Variants in CDH23 observed in about 807,000 individuals in gnomAD.
The protein encoded by CDH23 is cadherin related 23.
CDH23 carries 189 observed loss-of-function variants against 317.1 expected under a neutral mutation model. That is an observed-to-expected ratio of 0.60 (90% CI 0.53 to 0.67). CDH23 has a LOEUF of 0.67. Ranked by LOEUF, CDH23 falls within the 30% of genes least tolerant of loss-of-function variation. The pLI, the probability that CDH23 is intolerant of heterozygous loss-of-function variation, is 0.00. For missense variants in CDH23, 4,401 were observed against 4,592.4 expected, an observed-to-expected ratio of 0.96 and a Z score of 1.20; for synonymous variants, 1,839 against 1,876.8, an observed-to-expected ratio of 0.98 and a Z score of 0.52.
chr10:71,434,167 G>A (rs1849518683), intron 1 of CDH23, among the ~76,000 whole-genome samples: 1 of 152,158 alleles, frequency 6.6e-6, no homozygotes, highest in South Asian at 2.1e-4. Context: ...ATTCCTCCCA[G>A]ATATCCACAT....
Position 71,510,163 on chromosome 10 carries a change from G to T in CDH23, c.227G>T (p.Arg76Leu), listed in dbSNP as rs373802615. The T allele has an allele frequency of 6.2e-7, 1 of 1,613,958 alleles. No homozygotes were observed. Among genetic ancestry groups the T allele is most frequent in the Non-Finnish European group, 8.5e-7 (1 of 1,179,886 alleles). Residue 76 changes from arginine (R) to leucine (L), a missense_variant, in exon 4 of 70, where the codon CGC becomes CTC. Arg to Leu is a moderately radical substitution (Grantham distance 102, BLOSUM62 -2). Coordinates refer to ENST00000224721, the MANE Select transcript of CDH23 (RefSeq NM_022124.6). The part of the protein sequence containing the change: ...VFGVSGEEAS[R>L]FFAVEPDTGV... ...GGCGTGTCTGGGGAGGAGGCCTCTC[G>T]CTTCTTTGCAGTGGAGCCTGACACT...
Position 71,578,424 on chromosome 10 carries a change from C to T in CDH23, c.832+432C>T, listed in dbSNP as rs982360194. Among the ~76,000 whole-genome samples the T allele has an allele frequency of 3.3e-5, 5 of 152,286 alleles. No individual in the cohort carries two copies. In the East Asian group the frequency reaches 9.6e-4, roughly 29 times the overall value. ...CATCATTTTAGAACAAACGGAGCTG[C>T]AACTACAGCTGATTTCATGTTCTTT... On this transcript the variant is annotated intron_variant, in intron 9 of 69. Coordinates refer to ENST00000224721, the MANE Select transcript of CDH23 (RefSeq NM_022124.6).
chr10:71,459,914 C>G (rs1179938462), intron 3 of CDH23, among the ~76,000 whole-genome samples: 2 of 152,210 alleles, frequency 1.3e-5, no homozygotes, highest in African/African-American at 2.4e-5. Context: ...GCTCTTGTAG[C>G]TGGTCCTTAT....
chr10:71,441,299 C>T (rs1400389852), intron 2 of CDH23, among the ~76,000 whole-genome samples: 2 of 152,128 alleles, frequency 1.3e-5, no homozygotes, highest in East Asian at 1.9e-4. Context: ...TGAGAGCAGC[C>T]GTGGCCTCCA....
intron 20 of CDH23, among the ~76,000 whole-genome samples, chr10:71,692,128 T>G (rs1043251161): frequency 6.6e-6 from 1 of 152,116 alleles, no homozygotes. Context: ...GTGAGGCAGG[T>G]ACTAGCCTTA....
intron 3 of CDH23, among the ~76,000 whole-genome samples, chr10:71,458,739 G>C (rs1223736694): frequency 6.6e-6 from 1 of 152,194 alleles, no homozygotes; most frequent in Non-Finnish European, 1.5e-5. Context: ...AATTAAGTAA[G>C]TTAATTAAAG....
At chr10:71,574,699 C>T (rs1476522575) in intron 8 of CDH23, among the ~76,000 whole-genome samples, 8 of 152,110 alleles carry the variant, frequency 5.3e-5, no homozygotes, top group Admixed American at 3.3e-4. Context: ...CCTGTGTCCA[C>T]GGCTTTCCTG....
chr10:71,756,614 G>C (rs1358810607), intron 38 of CDH23, among the ~76,000 whole-genome samples: 1 of 152,208 alleles, frequency 6.6e-6, no homozygotes, highest in Non-Finnish European at 1.5e-5. Context: ...TGTCCCAACA[G>C]CATGAGGAGG....
chr10:71,760,753 C>CA (rs1395699480), intron 38 of CDH23: 6 of 927,482 alleles, frequency 6.5e-6, no homozygotes, highest in South Asian at 1.4e-5. Flanking sequence ...GGAGGAGGAC[C>CA]GGGGGGTTCT....
Position 71,694,206 on chromosome 10 carries a change from G to C in CDH23, c.2236G>C (p.Val746Leu), listed in dbSNP as rs550384315. The change falls in exon 21 of 70, where the codon GTT becomes CTT. Residue 746 changes from valine to leucine, a missense_variant. By Grantham distance (32) the Val-to-Leu change is conservative. Transcript: ENST00000224721. ...RETKSEYILI[V>L]RAVDGGVGHN... ...GACCAAGTCTGAATACATCCTCATCGTTCGCGCAGTGGACGGGGGTGTGGG... is the reference window on the plus strand; with the variant it reads ...GACCAAGTCTGAATACATCCTCATCCTTCGCGCAGTGGACGGGGGTGTGGG... The C allele has an allele frequency of 1.2e-6, 2 of 1,613,738 alleles. No homozygotes were observed. Among genetic ancestry groups the C allele is most frequent in the South Asian group, 2.2e-5 (2 of 91,070 alleles).
At chr10:71,453,185 T>G (rs1850531318) in intron 3 of CDH23, among the ~76,000 whole-genome samples, 1 of 152,198 alleles carries the variant, frequency 6.6e-6, no homozygotes, top group Non-Finnish European at 1.5e-5. Flanking sequence ...AAATTAGTCT[T>G]GTCAAGAGCC....
At chr10:71,607,408 T>C (rs1464183249) in intron 9 of CDH23, among the ~76,000 whole-genome samples, 1 of 152,274 alleles carries the variant, frequency 6.6e-6, no homozygotes, top group Non-Finnish European at 1.5e-5. Context: ...GTGCCTCAGT[T>C]TCTTCCTCTG....
intron 11 of CDH23, among the ~76,000 whole-genome samples, chr10:71,635,894 G>T (rs1413958058): frequency 6.6e-6 from 1 of 152,026 alleles, no homozygotes; most frequent in Non-Finnish European, 1.5e-5. Context: ...GTCTGGTGAG[G>T]GCCTGCTTCC....
intron 11 of CDH23, among the ~76,000 whole-genome samples, chr10:71,643,065 G>A (rs975216489): frequency 1.3e-5 from 2 of 152,222 alleles, no homozygotes; most frequent in African/African-American, 4.8e-5. Context: ...ACCAAGAGTA[G>A]GTGCTAGGTT....
At chr10:71,583,728 T>C (rs1858822907) in intron 9 of CDH23, among the ~76,000 whole-genome samples, 1 of 152,202 alleles carries the variant, frequency 6.6e-6, no homozygotes, top group Non-Finnish European at 1.5e-5. Context: ...AGGAGAACCC[T>C]GTTTATTGGG....
intron 36 of CDH23, among the ~76,000 whole-genome samples, chr10:71,740,276 G>A (rs1839697572): frequency 6.6e-6 from 1 of 152,222 alleles, no homozygotes; most frequent in Admixed American, 6.5e-5. Flanking sequence ...GGAACCTCAG[G>A]ACTGCGCTTC....
chr10:71,726,762 G>T (rs1045321798), intron 30 of CDH23, among the ~76,000 whole-genome samples: 1 of 152,228 alleles, frequency 6.6e-6, no homozygotes, highest in African/African-American at 2.4e-5. Context: ...TGATGTCAGC[G>T]AAGCTGGGGT....
At chr10:71,712,397 A>G in intron 27 of CDH23, 1 of 398,534 alleles carries the variant, frequency 2.5e-6, no homozygotes, top group Non-Finnish European at 4.6e-6. Context: ...CCTCTGTAAA[A>G]TGGGGATGAC....
intron 9 of CDH23, among the ~76,000 whole-genome samples, chr10:71,601,514 C>T (rs1188025979): frequency 1.3e-5 from 2 of 152,198 alleles, no homozygotes; most frequent in Non-Finnish European, 2.9e-5. Flanking sequence ...TGCTGAGGTT[C>T]GAACCCTGGT....
Sources: gnomAD v4.1 joint callset for allele counts (sites outside exome capture counted in the v4.1 genomes callset) on GRCh38, gnomAD v4.1.1 for gene constraint, MANE v1.5 for transcripts, NCBI Gene and HGNC (gene_info 2026-07-23, HGNC 2026-07-21) for gene names.